FAT3: variants seen among roughly 807,000 people sequenced by gnomAD.
FAT3 encodes FAT atypical cadherin 3.
A neutral mutation model predicts 310.2 loss-of-function variants in FAT3; 95 were observed. The observed-to-expected ratio is 0.31, with a 90% CI of 0.26 to 0.36. The LOEUF is 0.36. FAT3 is among the 10% of genes least tolerant of loss of function. The pLI is 1.00. For missense variants in FAT3, 5,408 were observed against 5,715.6 expected (o/e 0.95, Z 1.74); for synonymous variants, 2,314 against 2,192.9 (o/e 1.06, Z -1.54).
At chr11:92,341,812 C>A (rs903793935) in intron 1 of FAT3, among the ~76,000 whole-genome samples, 1 of 152,130 alleles carries the variant, frequency 6.6e-6, no homozygotes, top group Non-Finnish European at 1.5e-5. Context: ...TCAGCCATTT[C>A]GTGATATATT....
intron 2 of FAT3, among the ~76,000 whole-genome samples, chr11:92,359,912 C>A (rs1948836322): frequency 7.2e-6 from 1 of 139,790 alleles, no homozygotes; most frequent in Non-Finnish European, 1.5e-5. Flanking sequence ...CAAGTCTTTG[C>A]TATTGTGAAT....
chr11:92,329,545 C>A (rs1947853091), intron 1 of FAT3, among the ~76,000 whole-genome samples: 3 of 151,774 alleles, frequency 2.0e-5, no homozygotes, highest in Admixed American at 2.0e-4. Flanking sequence ...AATTACCCAG[C>A]CTCAGGTAGG....
chr11:92,705,560 ATGG>A (rs1344315992), intron 4 of FAT3, among the ~76,000 whole-genome samples: 3 of 72,890 alleles, frequency 4.1e-5, no homozygotes, highest in Admixed American at 1.7e-4. Context: ...TGGTGGTGTG[ATGG>A]TGGTGGTGGT....
intron 2 of FAT3, among the ~76,000 whole-genome samples, chr11:92,384,498 T>C (rs1259483116): frequency 6.6e-6 from 1 of 152,198 alleles, no homozygotes; most frequent in African/African-American, 2.4e-5. Context: ...ATAACTTCTT[T>C]AAGCAAATTC....
At chr11:92,615,404 G>A (rs1462391023) in intron 3 of FAT3, among the ~76,000 whole-genome samples, 4 of 151,882 alleles carry the variant, frequency 2.6e-5, no homozygotes, top group Admixed American at 1.3e-4. Context: ...CCACCACCAC[G>A]CCTGGCTAAT....
rs1463595019 is a variant in FAT3, at chr11:92,799,157, G to A, written c.6144G>A (p.Glu2048=). The change falls in exon 10 of 28, where the codon GAG becomes GAA. Residue 2048 remains glutamate (E), a synonymous_variant. Coordinates refer to ENST00000525166, the MANE Select transcript of FAT3 (RefSeq NM_001367949.2). ...TGVPFDREEQ[E]LYELVVEASR... ...TCCCCTTTGACCGTGAAGAACAAGA[G>A]TTATATGAGCTGGTGGTAGAAGCCA... 4 of 1,613,952 alleles carry A rather than the reference G, an allele frequency of 2.5e-6. No homozygotes were observed. The highest frequency in any genetic ancestry group is 3.4e-6 in the Non-Finnish European group (4 of 1,179,868).
intron 1 of FAT3, chr11:92,336,086 C>T: frequency 1.9e-6 from 1 of 516,618 alleles, no homozygotes; most frequent in Non-Finnish European, 3.8e-6. Flanking sequence ...AGTTGGATTC[C>T]ATGATGGGAA....
chr11:92,573,478 C>T (rs1938297820), intron 3 of FAT3, among the ~76,000 whole-genome samples: 1 of 152,152 alleles, frequency 6.6e-6, no homozygotes, highest in Non-Finnish European at 1.5e-5. Flanking sequence ...TATGTCCAAG[C>T]TTCAACTCCT....
chr11:92,569,174 A>G (rs571654218), intron 3 of FAT3, among the ~76,000 whole-genome samples: 2 of 152,298 alleles, frequency 1.3e-5, no homozygotes, highest in East Asian at 3.9e-4. Context: ...AGCCTGGAGC[A>G]ATCCCTGCTC....
chr11:92,782,133 A>C (rs1946769641), intron 7 of FAT3, among the ~76,000 whole-genome samples: 1 of 152,100 alleles, frequency 6.6e-6, no homozygotes, highest in Non-Finnish European at 1.5e-5. Flanking sequence ...ACACAGCGAG[A>C]ACTTATTTCT....
intron 3 of FAT3, among the ~76,000 whole-genome samples, chr11:92,686,416 C>A (rs1324669945): frequency 6.6e-6 from 1 of 152,102 alleles, no homozygotes. Flanking sequence ...AATGGTTTAT[C>A]TTGAGTACAA....
chr11:92,720,797 A>G (rs1263971510), intron 4 of FAT3, among the ~76,000 whole-genome samples: 1 of 152,184 alleles, frequency 6.6e-6, no homozygotes, highest in Admixed American at 6.6e-5. Context: ...ATGACTTATT[A>G]TTAAACTATA....
At chr11:92,311,012 A>ATGTATGTATG (rs1345573186) in intron 1 of FAT3, among the ~76,000 whole-genome samples, 1 of 151,488 alleles carries the variant, frequency 6.6e-6, no homozygotes, top group Admixed American at 6.6e-5. Context: ...ATGTATATAT[A>ATGTATGTATG]TACACATATA....
At chr11:92,746,857 T>G (rs557714043) in intron 4 of FAT3, among the ~76,000 whole-genome samples, 1 of 152,336 alleles carries the variant, frequency 6.6e-6, no homozygotes, top group East Asian at 1.9e-4. Context: ...CTTCTTTGAC[T>G]CCATGTCCCA....
chr11:92,573,369 C>T (rs1938288672), intron 3 of FAT3, among the ~76,000 whole-genome samples: 2 of 152,102 alleles, frequency 1.3e-5, no homozygotes, highest in African/African-American at 2.4e-5. Context: ...CTCTCAGTGG[C>T]CCCTAGTAAC....
intron 3 of FAT3, among the ~76,000 whole-genome samples, chr11:92,649,197 G>A (rs1025527418): frequency 2.6e-5 from 4 of 152,108 alleles, no homozygotes; most frequent in Admixed American, 6.5e-5. Flanking sequence ...TGGATCTATT[G>A]ATTTCCATTA....
intron 2 of FAT3, among the ~76,000 whole-genome samples, chr11:92,483,248 A>C (rs970427464): frequency 2.0e-5 from 3 of 152,184 alleles, no homozygotes; most frequent in African/African-American, 7.2e-5. Flanking sequence ...GCACATGTCC[A>C]TCATACCCTG....
At chr11:92,583,945 T>G (rs954822685) in intron 3 of FAT3, among the ~76,000 whole-genome samples, 1 of 152,044 alleles carries the variant, frequency 6.6e-6, no homozygotes, top group Non-Finnish European at 1.5e-5. Flanking sequence ...TTTCTTTTGG[T>G]ACTAAACGAA....
intron 21 of FAT3, among the ~76,000 whole-genome samples, chr11:92,864,363 G>C (rs1014796701): frequency 1.3e-5 from 2 of 152,236 alleles, no homozygotes; most frequent in Non-Finnish European, 2.9e-5. Context: ...GCCAGAAAAA[G>C]ATACTCCCCA....
Sources: gnomAD v4.1 joint callset for allele counts (sites outside exome capture counted in the v4.1 genomes callset) on GRCh38, gnomAD v4.1.1 for gene constraint, MANE v1.5 for transcripts, NCBI Gene and HGNC (gene_info 2026-07-23, HGNC 2026-07-21) for gene names.